FUT9: variants seen among roughly 807,000 people sequenced by gnomAD.
The protein encoded by FUT9 is 4-galactosyl-N-acetylglucosaminide 3-alpha-L-fucosyltransferase 9.
FUT9 carries 15 observed loss-of-function variants against 29.7 expected under a neutral mutation model. The ratio of observed to expected loss-of-function variants is 0.51; its 90% confidence interval spans 0.34 to 0.78. The LOEUF (loss-of-function observed/expected upper bound fraction) is 0.78, where lower values mean the gene tolerates loss of function less well. Among genes scored for constraint, FUT9 ranks in the 30% least tolerant of loss-of-function variants. The pLI is 0.01. For synonymous variants in FUT9, 169 were observed against 153.7 expected, an observed-to-expected ratio of 1.10 and a Z score of -0.74; for missense variants, 319 against 425.4, an observed-to-expected ratio of 0.75 and a Z score of 2.20.
chr6:96,101,957 T>C (rs1771593719), intron 1 of FUT9, among the ~76,000 whole-genome samples: 1 of 152,156 alleles, frequency 6.6e-6, no homozygotes, highest in Admixed American at 6.6e-5. Context: ...TATATGAAGA[T>C]ATATTTAATA....
chr6:96,123,060 C>CAAAAAAAAAAAAAAA (rs56330234), intron 2 of FUT9, among the ~76,000 whole-genome samples: 1 of 64,970 alleles, frequency 1.5e-5, no homozygotes, highest in African/African-American at 6.9e-5. Context: ...GACTCAGTCT[C>CAAAAAAAAAAAAAAA]AAAAAAAAAA....
At chr6:96,069,259 T>C (rs758883461) in intron 1 of FUT9, among the ~76,000 whole-genome samples, 2 of 151,748 alleles carry the variant, frequency 1.3e-5, no homozygotes, top group Non-Finnish European at 2.9e-5. Flanking sequence ...TGGCGGAGGT[T>C]GCAGTGAGCC....
chr6:96,106,904 TA>T (rs528673563), intron 1 of FUT9, among the ~76,000 whole-genome samples: 230 of 152,310 alleles, frequency 1.5e-3, no homozygotes, highest in Admixed American at 3.5e-3. Context: ...AATTAAAAAA[TA>T]AAAAAATTCA....
intron 1 of FUT9, among the ~76,000 whole-genome samples, chr6:96,046,290 A>G (rs1770562984): frequency 1.3e-5 from 2 of 151,878 alleles, no homozygotes; most frequent in Non-Finnish European, 2.9e-5. Context: ...AACGTATGCA[A>G]TGCACTTTGA....
rs541761111 is a variant in FUT9 at position 96,070,137 on chromosome 6, C to T, written c.-97-43902C>T. 2.4e-3 allele frequency among the ~76,000 whole-genome samples: 364 copies of T among 152,178 alleles called. 1 individual carries two copies. The highest frequency in any genetic ancestry group is 8.6e-3 in the African/African-American group (356 of 41,530). ...AAAGCACTTGAGAAATATTATCTTA[C>T]CTTGTTGATGAGCTGATAAGTGAGG... On this transcript the variant is annotated intron_variant, in intron 1 of 2. Coordinates refer to ENST00000302103, the MANE Select transcript of FUT9 (RefSeq NM_006581.4).
chr6:96,036,125 T>G (rs892921659), intron 1 of FUT9, among the ~76,000 whole-genome samples: 1 of 146,050 alleles, frequency 6.8e-6, no homozygotes, highest in African/African-American at 2.5e-5. Context: ...ATGAAAGTTC[T>G]CATCTGCAAA....
intron 1 of FUT9, among the ~76,000 whole-genome samples, chr6:96,034,329 G>A (rs1328798119): frequency 6.6e-6 from 1 of 151,394 alleles, no homozygotes; most frequent in Non-Finnish European, 1.5e-5. Context: ...TTATGGTTAA[G>A]CACTGTAACC....
At chr6:96,041,169 T>TCTAGTAGA (rs1244995880) in intron 1 of FUT9, among the ~76,000 whole-genome samples, 2 of 151,612 alleles carry the variant, frequency 1.3e-5, no homozygotes, top group Non-Finnish European at 2.9e-5. Flanking sequence ...GTCTTCCCCA[T>TCTAGTAGA]CTAGTAGACT....
At chr6:96,044,701 G>A (rs1365544190) in intron 1 of FUT9, among the ~76,000 whole-genome samples, 2 of 151,914 alleles carry the variant, frequency 1.3e-5, no homozygotes, top group East Asian at 3.9e-4. Flanking sequence ...GTCACAATCT[G>A]TGCTGTCTTC....
intron 1 of FUT9, among the ~76,000 whole-genome samples, chr6:96,053,673 C>T (rs1770713158): frequency 6.6e-6 from 1 of 152,146 alleles, no homozygotes. Context: ...CGCACCACTC[C>T]ACTCCAGCCT....
chr6:96,034,614 C>T (rs111909433), intron 1 of FUT9, among the ~76,000 whole-genome samples: 1 of 151,588 alleles, frequency 6.6e-6, no homozygotes, highest in African/African-American at 2.4e-5. Flanking sequence ...CAGCATGAAT[C>T]CATTTGAGAA....
intron 1 of FUT9, among the ~76,000 whole-genome samples, chr6:96,083,717 G>A (rs1367374027): frequency 2.0e-5 from 3 of 151,960 alleles, no homozygotes; most frequent in Non-Finnish European, 2.9e-5. Context: ...AGCTTTGACT[G>A]CCAGATCCTC....
intron 1 of FUT9, among the ~76,000 whole-genome samples, chr6:96,070,783 T>C (rs1281300253): frequency 6.6e-6 from 1 of 152,208 alleles, no homozygotes. Context: ...AAAATATGTA[T>C]GCAGTTTAAC....
Position 96,183,858 on chromosome 6 carries a change from A to G in FUT9, c.-8-19290A>G, listed in dbSNP as rs576169785. Among the ~76,000 whole-genome samples the G allele has an allele frequency of 8.5e-5, 13 of 152,188 alleles. 1 individual carries two copies. In the South Asian group the frequency reaches 2.7e-3, roughly 32 times the overall value. ...GATTCAGTTAGCTAATATTTTGTTA[A>G]GGAATTTTGCATCTATGTTCTTCAG... is the stretch of plus-strand genomic sequence containing the variant. On this transcript the variant is annotated intron_variant, in intron 2 of 2. Transcript: ENST00000302103.
intron 2 of FUT9, among the ~76,000 whole-genome samples, chr6:96,152,078 A>G (rs1772687337): frequency 6.6e-6 from 1 of 152,214 alleles, no homozygotes; most frequent in Non-Finnish European, 1.5e-5. Flanking sequence ...TCCCATTTTT[A>G]CATAGGGAGA....
chr6:96,041,573 A>G (rs1770461561), intron 1 of FUT9, among the ~76,000 whole-genome samples: 1 of 152,162 alleles, frequency 6.6e-6, no homozygotes, highest in South Asian at 2.1e-4. Context: ...TTACAAAACC[A>G]GCTGACTGCC....
At chr6:96,060,078 A>G (rs1342392027) in intron 1 of FUT9, among the ~76,000 whole-genome samples, 1 of 152,174 alleles carries the variant, frequency 6.6e-6, no homozygotes. Flanking sequence ...AATAGATCTT[A>G]TTTTGTGAAA....
At chr6:96,075,649 C>T (rs1369026622) in intron 1 of FUT9, among the ~76,000 whole-genome samples, 1 of 152,064 alleles carries the variant, frequency 6.6e-6, no homozygotes, top group Non-Finnish European at 1.5e-5. Flanking sequence ...GAATGTATAA[C>T]TGAATCTAAT....
intron 2 of FUT9, among the ~76,000 whole-genome samples, chr6:96,156,247 C>T (rs1467909757): frequency 4.6e-5 from 7 of 152,260 alleles, no homozygotes; most frequent in Admixed American, 4.6e-4. Context: ...TCACCATGGT[C>T]TGTTTCTAAT....
Sources: allele counts gnomAD v4.1 joint callset (sites outside exome capture counted in the v4.1 genomes callset), GRCh38; gene constraint gnomAD v4.1.1; transcripts MANE v1.5; gene names NCBI Gene and HGNC (gene_info 2026-07-23, HGNC 2026-07-21).